The following ZSWIM5 variants were observed in gnomAD, a reference collection of about 807,000 sequenced individuals.
ZSWIM5 encodes zinc finger SWIM-type containing 5.
Under a neutral mutation model 119.6 loss-of-function variants are expected in ZSWIM5, and 55 were observed. That is an observed-to-expected ratio of 0.46 (90% CI 0.37 to 0.58). The LOEUF is 0.58. Among genes scored for constraint, ZSWIM5 ranks in the 20% least tolerant of loss-of-function variants. The probability of loss-of-function intolerance (pLI) is 0.00; values close to 1 mark genes in which losing one functional copy is unlikely to be tolerated. For synonymous variants in ZSWIM5, 537 were observed against 606.9 expected (o/e 0.88, Z 1.69); for missense variants, 1,193 against 1,512.8 (o/e 0.79, Z 3.51).
At chr1:45,150,171 T>TAAAAA (rs59869691) in intron 1 of ZSWIM5, among the ~76,000 whole-genome samples, 17 of 93,328 alleles carry the variant, frequency 1.8e-4, no homozygotes, top group South Asian at 3.6e-4. Flanking sequence ...CTCTATCTCT[T>TAAAAA]AAAAAAAAAA....
At chr1:45,108,375 A>G (rs1282119002) in intron 1 of ZSWIM5, among the ~76,000 whole-genome samples, 1 of 152,138 alleles carries the variant, frequency 6.6e-6, no homozygotes. Context: ...TAAACAATAA[A>G]CTTCTTTCAA....
chr1:45,204,869 T>C (rs1342413614), intron 1 of ZSWIM5, among the ~76,000 whole-genome samples: 2 of 152,228 alleles, frequency 1.3e-5, no homozygotes, highest in African/African-American at 4.8e-5. Context: ...TAATCATTTT[T>C]TTATCCTTCT....
intron 1 of ZSWIM5, among the ~76,000 whole-genome samples, chr1:45,121,602 CT>C (rs199811301): frequency 0.01 from 1,419 of 136,402 alleles, 12 homozygotes; most frequent in African/African-American, 0.028. Flanking sequence ...TTTTCTTCTT[CT>C]TTTTTTTTTT....
At chr1:45,167,525 G>A (rs1365059535) in intron 1 of ZSWIM5, among the ~76,000 whole-genome samples, 2 of 151,876 alleles carry the variant, frequency 1.3e-5, no homozygotes, top group African/African-American at 2.4e-5. Flanking sequence ...CTACCATCAG[G>A]GTGAACAGGC....
At chr1:45,153,013 A>G (rs1152020) in intron 1 of ZSWIM5, among the ~76,000 whole-genome samples, 23,713 of 151,062 alleles carry the variant, frequency 0.16, 2,526 homozygotes, top group African/African-American at 0.29. Flanking sequence ...ACTCAACATC[A>G]CTAATCATCA....
At chr1:45,101,839 A>G (rs749631931) in intron 1 of ZSWIM5, among the ~76,000 whole-genome samples, 12 of 152,306 alleles carry the variant, frequency 7.9e-5, no homozygotes, top group Middle Eastern at 3.4e-3. Context: ...GAGTTGAACA[A>G]TGAGAACACC....
chr1:45,090,831 A>G (rs1357027232), intron 1 of ZSWIM5, among the ~76,000 whole-genome samples: 4 of 145,510 alleles, frequency 2.7e-5, no homozygotes, highest in Non-Finnish European at 6.0e-5. Context: ...CTCTTTAAGA[A>G]AAAGAAAAAA....
At chr1:45,163,524 T>C (rs917588531) in intron 1 of ZSWIM5, among the ~76,000 whole-genome samples, 4 of 152,246 alleles carry the variant, frequency 2.6e-5, no homozygotes, top group Admixed American at 6.5e-5. Flanking sequence ...AACAAACTTC[T>C]CCGAGCTAAA....
chr1:45,179,356 G>A (rs544661767), intron 1 of ZSWIM5, among the ~76,000 whole-genome samples: 1 of 152,130 alleles, frequency 6.6e-6, no homozygotes, highest in African/African-American at 2.4e-5. Context: ...GAAATTCAAA[G>A]ACTAAATGTT....
At chr1:45,064,436 A>G (rs1486062067) in intron 2 of ZSWIM5, among the ~76,000 whole-genome samples, 3 of 152,242 alleles carry the variant, frequency 2.0e-5, no homozygotes, top group Non-Finnish European at 4.4e-5. Context: ...GAATGAACAA[A>G]TACATATCTC....
intron 2 of ZSWIM5, among the ~76,000 whole-genome samples, chr1:45,083,452 T>C (rs1251944039): frequency 6.6e-6 from 1 of 152,126 alleles, no homozygotes; most frequent in African/African-American, 2.4e-5. Context: ...GGTCTCACTA[T>C]GTTGTTCAGG....
intron 1 of ZSWIM5, among the ~76,000 whole-genome samples, chr1:45,099,449 C>T (rs1370553912): frequency 3.3e-5 from 5 of 152,178 alleles, no homozygotes; most frequent in South Asian, 2.1e-4. Flanking sequence ...GATGGATTCA[C>T]AGCCGAACTC....
chr1:45,179,810 A>T (rs141536610), intron 1 of ZSWIM5, among the ~76,000 whole-genome samples: 1 of 152,288 alleles, frequency 6.6e-6, no homozygotes, highest in East Asian at 1.9e-4. Flanking sequence ...AAGATTCTTC[A>T]GATGTAGCAA....
At chr1:45,098,088 G>A (rs900762718) in intron 1 of ZSWIM5, among the ~76,000 whole-genome samples, 5 of 152,146 alleles carry the variant, frequency 3.3e-5, no homozygotes, top group Admixed American at 1.3e-4. Context: ...AGGCAAGAGA[G>A]AGACAGACAG....
In ZSWIM5 at chr1:45,088,346, T is replaced by G; in HGVS notation, c.596-109A>C. 6.6e-6 allele frequency: 5 copies of G among 752,300 alleles called. No individual in the cohort carries two copies. Among genetic ancestry groups the G allele is most frequent in the Non-Finnish European group, 8.4e-6 (4 of 477,800 alleles). The allele number at this position is 752,300 out of a possible 1,614,324, so 46.6% of individuals were successfully genotyped here. The stretch of plus-strand genomic sequence containing the variant: ...CATAAATTATGTATTGGGTATCTCC[T>G]ACACACGTACATGATAGGCTTTGCC... On this transcript the variant is annotated intron_variant, in intron 1 of 13. Transcript: ENST00000359600. This position sits in a 1 kb window ranked among gnomAD's most constrained non-coding sequence, Gnocchi z 4.2.
At chr1:45,170,426 C>CTTT (rs56817624) in intron 1 of ZSWIM5, among the ~76,000 whole-genome samples, 10 of 139,526 alleles carry the variant, frequency 7.2e-5, no homozygotes, top group African/African-American at 2.4e-4. Context: ...TATAAAATCA[C>CTTT]TTTTTTTTTT....
intron 2 of ZSWIM5, among the ~76,000 whole-genome samples, chr1:45,065,358 T>C (rs1288867160): frequency 6.6e-6 from 1 of 152,156 alleles, no homozygotes; most frequent in African/African-American, 2.4e-5. Flanking sequence ...CAGGATCTAG[T>C]CTTTTAGGGC....
At chr1:45,158,656 G>A (rs1645845562) in intron 1 of ZSWIM5, among the ~76,000 whole-genome samples, 1 of 152,166 alleles carries the variant, frequency 6.6e-6, no homozygotes, top group South Asian at 2.1e-4. Context: ...TTGTTGTGAT[G>A]ATTTAGACAA....
intron 1 of ZSWIM5, among the ~76,000 whole-genome samples, chr1:45,089,996 A>C (rs1308582598): frequency 6.6e-6 from 1 of 152,266 alleles, no homozygotes; most frequent in Admixed American, 6.5e-5. Context: ...TATTTTAAAT[A>C]ATCTTATATC....
Sources: allele counts gnomAD v4.1 joint callset (sites outside exome capture counted in the v4.1 genomes callset), GRCh38; gene constraint gnomAD v4.1.1; non-coding constraint Gnocchi (gnomAD v3.1); transcripts MANE v1.5; gene names NCBI Gene and HGNC (gene_info 2026-07-23, HGNC 2026-07-21).